Variants in TET3 observed in about 807,000 individuals in gnomAD.
TET3 encodes methylcytosine dioxygenase TET3.
Under a neutral mutation model 141.4 loss-of-function variants are expected in TET3, and 19 were observed. The observed-to-expected ratio is 0.13, with a 90% CI of 0.09 to 0.20. TET3 has a LOEUF of 0.20. Among genes scored for constraint, TET3 ranks in the 10% least tolerant of loss-of-function variants. The probability of loss-of-function intolerance (pLI) is 1.00; values close to 1 mark genes in which losing one functional copy is unlikely to be tolerated. For missense variants in TET3, 1,874 were observed against 2,356.9 expected, an observed-to-expected ratio of 0.80 and a Z score of 4.24; for synonymous variants, 1,043 against 980.9, an observed-to-expected ratio of 1.06 and a Z score of -1.18.
At chr2:74,085,571 A>G (rs1690079472) in intron 6 of TET3, among the ~76,000 whole-genome samples, 1 of 152,236 alleles carries the variant, frequency 6.6e-6, no homozygotes, top group Non-Finnish European at 1.5e-5. Context: ...GGTTTCGTGG[A>G]AGACCATTCA....
intron 3 of TET3, among the ~76,000 whole-genome samples, chr2:74,025,945 A>AAAT (rs1016900981): frequency 2.0e-5 from 3 of 152,108 alleles, no homozygotes; most frequent in Admixed American, 6.5e-5. Flanking sequence ...CTCCAAAAAA[A>AAAT]AATAATAATA....
intron 3 of TET3, among the ~76,000 whole-genome samples, chr2:74,005,550 G>C (rs1685108834): frequency 6.6e-6 from 1 of 152,150 alleles, no homozygotes; most frequent in African/African-American, 2.4e-5. Context: ...TCAGGTCGTG[G>C]TGTAAGAAGG....
Position 74,072,295 on chromosome 2 carries a change from C to G in TET3, c.2495-1254C>G, listed in dbSNP as rs192546447. Among the ~76,000 whole-genome samples the G allele has an allele frequency of 9.9e-4, 151 of 152,220 alleles. 1 individual carries two copies. In the East Asian group the frequency reaches 0.025, roughly 26 times the overall value. On this transcript the variant is annotated intron_variant, in intron 4 of 11. Transcript: ENST00000409262. ...TGGGAGGCCAAGGTGAGTGGATCAC[C>G]TGAGGTCAGGAGTTCGAGACCAGCC...
At chr2:74,074,493 G>A (rs1001409519) in intron 5 of TET3, among the ~76,000 whole-genome samples, 5 of 152,180 alleles carry the variant, frequency 3.3e-5, no homozygotes, top group African/African-American at 4.8e-5. Flanking sequence ...AGTTCATGCA[G>A]ATGGAGACTT....
At chr2:74,062,046 G>T (rs1688624085) in intron 4 of TET3, among the ~76,000 whole-genome samples, 1 of 152,202 alleles carries the variant, frequency 6.6e-6, no homozygotes, top group Admixed American at 6.5e-5. Flanking sequence ...TGCAGTCTCG[G>T]CACTTTGGGA....
At chr2:74,124,561 T>C in the TET3 span, among the ~76,000 whole-genome samples, 2 of 152,236 alleles carry the variant, frequency 1.3e-5, no homozygotes, top group Non-Finnish European at 1.5e-5. Context: ...CATGGGAGAC[T>C]CCATTTTGTT....
chr2:74,076,392 T>G (rs377351052), intron 5 of TET3, among the ~76,000 whole-genome samples: 2 of 149,348 alleles, frequency 1.3e-5, no homozygotes, highest in African/African-American at 4.9e-5. Context: ...AGGAGGAAGG[T>G]AATTTCTCAT....
chr2:74,032,440 GGGGTGTGTCTCTGTGTGT>G (rs1190323431), intron 3 of TET3, among the ~76,000 whole-genome samples: 24 of 138,618 alleles, frequency 1.7e-4, no homozygotes, highest in African/African-American at 6.9e-4. Flanking sequence ...GGCTGCAAGA[GGGGTGTGTCTCTGTGTGT>G]GTGTGTGTGT....
At chr2:74,044,824 G>A (rs1166899742) in intron 3 of TET3, among the ~76,000 whole-genome samples, 1 of 152,184 alleles carries the variant, frequency 6.6e-6, no homozygotes, top group Admixed American at 6.5e-5. Context: ...CTGAGAACAA[G>A]GGCATTCTCT....
chr2:73,994,634 C>CT (rs1433899024), intron 2 of TET3, among the ~76,000 whole-genome samples: 76 of 106,338 alleles, frequency 7.1e-4, no homozygotes, highest in African/African-American at 3.4e-3. Flanking sequence ...TTCTTTCTTT[C>CT]TTTCTTTTTT....
In TET3 at chr2:74,045,162, A is replaced by T. The variant is rs528174101; in HGVS notation, c.361-1116A>T. Among the ~76,000 whole-genome samples the T allele has an allele frequency of 7.2e-5, 11 of 152,306 alleles. No homozygotes were observed. In the East Asian group the frequency reaches 2.1e-3, roughly 29 times the overall value. ...TGTGAGTGGTGTTAAGTCATCCGCA[A>T]TGTCTTACATCAAGAGGCACATGGT... On this transcript the variant is annotated intron_variant, in intron 3 of 11. Transcript: ENST00000409262.
At chr2:74,026,717 C>A (rs1259383188) in intron 3 of TET3, among the ~76,000 whole-genome samples, 1 of 151,628 alleles carries the variant, frequency 6.6e-6, no homozygotes, top group Admixed American at 6.6e-5. Context: ...CGCAAACTTC[C>A]CCTCCAACTT....
At chr2:74,061,489 C>T (rs1416140132) in intron 4 of TET3, among the ~76,000 whole-genome samples, 4 of 148,244 alleles carry the variant, frequency 2.7e-5, no homozygotes, top group South Asian at 2.1e-4. Flanking sequence ...ACCTCCTTCC[C>T]GGACGGGGCG....
intron 3 of TET3, among the ~76,000 whole-genome samples, chr2:74,004,994 TC>T (rs941857807): frequency 1.3e-5 from 2 of 152,130 alleles, no homozygotes; most frequent in Admixed American, 1.3e-4. Context: ...CCTCTGTATC[TC>T]CAGCCTTGTC....
chr2:74,084,999 C>G (rs1209261617), intron 6 of TET3, among the ~76,000 whole-genome samples: 1 of 151,964 alleles, frequency 6.6e-6, no homozygotes, highest in Non-Finnish European at 1.5e-5. Flanking sequence ...ATGGAGAGTT[C>G]CTTAATGAAC....
chr2:74,093,414 G>T lies in TET3; in HGVS notation c.3130-115G>T. ...AAAACCTCCCTCCTGCAGTCGAAGG[G>T]CAAGGTGACTATCATCCTTAACATC... On this transcript the variant is annotated intron_variant, in intron 9 of 11. Transcript: ENST00000409262. This position sits in a 1 kb window ranked among gnomAD's most constrained non-coding sequence, Gnocchi z 4.2. The T allele has an allele frequency of 7.2e-7, 1 of 1,381,390 alleles. No homozygotes were observed. The highest frequency in any genetic ancestry group is 9.6e-7 in the Non-Finnish European group (1 of 1,046,802). The allele number at this position is 1,381,390 out of a possible 1,614,324, so 85.6% of individuals were successfully genotyped here.
the TET3 span, among the ~76,000 whole-genome samples, chr2:74,124,022 G>C: frequency 6.7e-6 from 1 of 149,126 alleles, no homozygotes; most frequent in Non-Finnish European, 1.5e-5. Context: ...CCTCCGCCCG[G>C]CAGCCACCCC....
intron 3 of TET3, among the ~76,000 whole-genome samples, chr2:74,037,011 C>G (rs1226326361): frequency 6.6e-6 from 1 of 152,190 alleles, no homozygotes; most frequent in Non-Finnish European, 1.5e-5. Context: ...CTGCCTCCCC[C>G]TCCCCCCATA....
At chr2:74,120,087 C>T in the TET3 span, among the ~76,000 whole-genome samples, 1 of 152,196 alleles carries the variant, frequency 6.6e-6, no homozygotes, top group East Asian at 1.9e-4. Flanking sequence ...TTTCGATAGG[C>T]CGCCTCCCTT....
Sources: allele counts gnomAD v4.1 joint callset (sites outside exome capture counted in the v4.1 genomes callset), GRCh38; gene constraint gnomAD v4.1.1; non-coding constraint Gnocchi (gnomAD v3.1); transcripts MANE v1.5; gene names NCBI Gene and HGNC (gene_info 2026-07-23, HGNC 2026-07-21).